PCDHA12: variants seen among roughly 807,000 people sequenced by gnomAD.
PCDHA12 encodes the protein protocadherin alpha-12.
Under a neutral mutation model 60.0 loss-of-function variants are expected in PCDHA12, and 44 were observed. The observed-to-expected ratio is 0.73, with a 90% confidence interval of 0.58 to 0.94. The LOEUF is 0.94. PCDHA12 is among the 40% of genes least tolerant of loss of function. PCDHA12 has a pLI of 0.00. For synonymous variants in PCDHA12, 569 were observed against 553.0 expected (o/e 1.03, Z -0.40); for missense variants, 1,276 against 1,239.7 (o/e 1.03, Z -0.44).
intron 1 of PCDHA12, chr5:140,882,507 A>G: frequency 6.2e-7 from 1 of 1,614,182 alleles, no homozygotes; most frequent in Non-Finnish European, 8.5e-7. Flanking sequence ...GTAAATCTGC[A>G]GAATGGCATT....
intron 1 of PCDHA12, among the ~76,000 whole-genome samples, chr5:140,912,408 T>A (rs1376927432): frequency 6.6e-6 from 1 of 152,054 alleles, no homozygotes; most frequent in Non-Finnish European, 1.5e-5. Flanking sequence ...TCAGCTTGGT[T>A]ATTATTGGTG....
chr5:140,999,523 C>T (rs115576128), intron 3 of PCDHA12, among the ~76,000 whole-genome samples: 1 of 152,026 alleles, frequency 6.6e-6, no homozygotes, highest in Non-Finnish European at 1.5e-5. Context: ...CATTTTGTTA[C>T]CCCCTGGATA....
chr5:140,981,468 G>A (rs1554242887), intron 2 of PCDHA12, among the ~76,000 whole-genome samples: 1 of 152,172 alleles, frequency 6.6e-6, no homozygotes, highest in Non-Finnish European at 1.5e-5. Context: ...CAGCTACTTG[G>A]GAGGCTGAGG....
intron 1 of PCDHA12, among the ~76,000 whole-genome samples, chr5:140,897,090 C>G (rs1420408825): frequency 6.6e-6 from 1 of 151,950 alleles, no homozygotes; most frequent in Non-Finnish European, 1.5e-5. Context: ...ATTTTTTATC[C>G]TCATTAAAAA....
Position 140,876,970 on chromosome 5 carries a change from G to A in PCDHA12, c.1498G>A (p.Gly500Ser). The change falls in exon 1 of 4, where the codon GGC becomes AGC. Residue 500 changes from glycine to serine, a missense_variant. Coordinates refer to ENST00000398631, the MANE Select transcript of PCDHA12 (RefSeq NM_018903.4). ...VSYSLVERRV[G>S]EHALSSYVSV... is the part of the protein sequence containing the mutation. The stretch of plus-strand genomic sequence containing the variant: ...CTACTCGCTGGTGGAGCGGCGGGTG[G>A]GCGAGCACGCACTGTCGAGCTACGT... 4 of 1,612,850 alleles carry A rather than the reference G, an allele frequency of 2.5e-6. No individual in the cohort carries two copies. Among genetic ancestry groups the A allele is most frequent in the Non-Finnish European group, 3.4e-6 (4 of 1,179,804 alleles).
Position 140,978,928 on chromosome 5 carries a change from ACT to A in PCDHA12, c.2368-16_2368-15del. ...CATTGTCTTGTCATTTTAACAGAAA[ACT>A]CTCTTTGTGATTTTGCAGCCACGAC... On this transcript the variant is annotated intron_variant, in intron 1 of 3. Coordinates refer to ENST00000398631, the MANE Select transcript of PCDHA12 (RefSeq NM_018903.4). The A allele has an allele frequency of 6.2e-7, 1 of 1,613,190 alleles. No homozygotes were observed. Among genetic ancestry groups the A allele is most frequent in the Admixed American group, 1.7e-5 (1 of 59,890 alleles).
At chr5:140,899,714 T>C (rs1554188719) in intron 1 of PCDHA12, among the ~76,000 whole-genome samples, 1 of 152,242 alleles carries the variant, frequency 6.6e-6, no homozygotes, top group African/African-American at 2.4e-5. Context: ...TAGGGAGGAT[T>C]CCCTCTTTTT....
At chr5:140,929,205 G>T in intron 1 of PCDHA12, 1 of 1,614,120 alleles carries the variant, frequency 6.2e-7, no homozygotes, top group Non-Finnish European at 8.5e-7. Flanking sequence ...GTTTGCTGTT[G>T]CGTGGGGAGT....
chr5:140,979,102 C>T (rs1263848262), intron 2 of PCDHA12, 95 bp downstream of exon 2: 1 of 1,541,684 alleles, frequency 6.5e-7, no homozygotes, highest in Non-Finnish European at 8.7e-7. Flanking sequence ...GCTGTCAAAA[C>T]TAAAAAGCTT....
Position 140,877,703 on chromosome 5 carries a change from C to T in PCDHA12, c.2231C>T (p.Ala744Val), listed in dbSNP as rs781946062. The change falls in exon 1 of 4, where the codon GCC becomes GTC. Residue 744 changes from alanine (A) to valine (V), a missense_variant. Ala to Val is a moderately conservative substitution (Grantham distance 64). Coordinates refer to ENST00000398631, the MANE Select transcript of PCDHA12 (RefSeq NM_018903.4). The part of the protein sequence containing the change: ...PGKPTLVCSS[A>V]VGSWSYSQQR... ...AAGCCCACGCTGGTGTGCTCCAGCG[C>T]CGTGGGGAGTTGGTCTTACTCGCAG... 4 of 1,613,986 alleles carry T rather than the reference C, an allele frequency of 2.5e-6. No individual in the cohort carries two copies. In the East Asian group the frequency reaches 8.9e-5, roughly 36 times the overall value.
intron 1 of PCDHA12, among the ~76,000 whole-genome samples, chr5:140,919,085 T>C (rs2078998041): frequency 1.3e-5 from 2 of 152,368 alleles, no homozygotes; most frequent in East Asian, 3.9e-4. Context: ...GACTATTGAA[T>C]TGTCTATTTC....
chr5:140,970,427 GGTGTTA>G (rs1442614278), intron 1 of PCDHA12, among the ~76,000 whole-genome samples: 6 of 152,192 alleles, frequency 3.9e-5, no homozygotes, highest in Admixed American at 3.3e-4. Context: ...TGTAGAGGCA[GGTGTTA>G]GTATATGCAC....
Position 141,000,369 on chromosome 5 carries a change from C to CTG in PCDHA12, c.2516-9257_2516-9256insGT, listed in dbSNP as rs1469177188. On this transcript the variant is annotated intron_variant, in intron 3 of 3. Coordinates refer to ENST00000398631, the MANE Select transcript of PCDHA12 (RefSeq NM_018903.4). ...TCTCTCTGTCTCTCTCTGTCTCTCT[C>CTG]TCTCTCTCTCTCTCTCTCTCTCTCT... Among the ~76,000 whole-genome samples, 12 of 35,276 alleles carry CTG rather than the reference C, an allele frequency of 3.4e-4. No individual in the cohort carries two copies. In the East Asian group the frequency reaches 5.7e-3, roughly 17 times the overall value. The allele number at this position is 35,276 out of a possible 152,430, so 23.1% of individuals were successfully genotyped here.
chr5:140,963,895 T>C (rs1331133094), intron 1 of PCDHA12, among the ~76,000 whole-genome samples: 2 of 152,224 alleles, frequency 1.3e-5, no homozygotes, highest in Non-Finnish European at 2.9e-5. Flanking sequence ...TTAATTAAAA[T>C]GAGTAAAGTG....
At chr5:140,923,364 A>C (rs1414879540) in intron 1 of PCDHA12, among the ~76,000 whole-genome samples, 1 of 152,106 alleles carries the variant, frequency 6.6e-6, no homozygotes, top group African/African-American at 2.4e-5. Flanking sequence ...TATCTTTATA[A>C]AATATTTTTA....
At chr5:140,900,954 A>T (rs942765998) in intron 1 of PCDHA12, among the ~76,000 whole-genome samples, 3 of 152,204 alleles carry the variant, frequency 2.0e-5, no homozygotes, top group Non-Finnish European at 2.9e-5. Context: ...TTCTCTGATT[A>T]TCAGTGATGT....
chr5:140,943,558 A>T (rs1328715238), intron 1 of PCDHA12, among the ~76,000 whole-genome samples: 1 of 152,194 alleles, frequency 6.6e-6, no homozygotes, highest in Non-Finnish European at 1.5e-5. Flanking sequence ...GTAGACAATA[A>T]TCATTTTAAT....
rs567366418 is a variant in PCDHA12 at position 140,912,439 on chromosome 5, G to T, written c.2367+34600G>T. 2.6e-5 allele frequency among the ~76,000 whole-genome samples: 4 copies of T among 151,104 alleles called. No individual in the cohort carries two copies. The East Asian group carries it at 7.8e-4, about 29-fold the overall frequency. On this transcript the variant is annotated intron_variant, in intron 1 of 3. Transcript: ENST00000398631. ...TGGTGTATAGCAGTGTTGCTGATTT[G>T]TGTGCATTGATTTTGTATCCTGGAA...
chr5:141,004,461 A>C (rs1160733381), intron 3 of PCDHA12, among the ~76,000 whole-genome samples: 1 of 152,216 alleles, frequency 6.6e-6, no homozygotes, highest in Non-Finnish European at 1.5e-5. Context: ...CAGGAAGCTC[A>C]GTGACATGTT....
Sources: gnomAD v4.1 joint callset for allele counts (sites outside exome capture counted in the v4.1 genomes callset) on GRCh38, gnomAD v4.1.1 for gene constraint, MANE v1.5 for transcripts, NCBI Gene and HGNC (gene_info 2026-07-23, HGNC 2026-07-21) for gene names.